Variants in SSBP3 observed in about 807,000 individuals in gnomAD.
The protein encoded by SSBP3 is single-stranded DNA-binding protein 3.
Under a neutral mutation model 69.6 loss-of-function variants are expected in SSBP3, and 5 were observed. The ratio of observed to expected loss-of-function variants is 0.07; its 90% CI spans 0.04 to 0.15. The LOEUF (loss-of-function observed/expected upper bound fraction) is 0.15, where lower values mean the gene tolerates loss of function less well. Ranked by LOEUF, SSBP3 falls within the 10% of genes least tolerant of loss-of-function variation. SSBP3 has a pLI of 1.00. For synonymous variants in SSBP3, 196 were observed against 193.4 expected (o/e 1.01, Z -0.11); for missense variants, 312 against 534.0 (o/e 0.58, Z 4.10).
At chr1:54,371,002 T>C (rs1647123202) in intron 4 of SSBP3, among the ~76,000 whole-genome samples, 2 of 152,024 alleles carry the variant, frequency 1.3e-5, no homozygotes, top group Admixed American at 6.5e-5. Context: ...GGCTCAGTGA[T>C]TGAAAAGACA....
intron 14 of SSBP3, among the ~76,000 whole-genome samples, chr1:54,236,219 G>A (rs1297216730): frequency 4.6e-5 from 7 of 151,902 alleles, no homozygotes; most frequent in Non-Finnish European, 5.9e-5. Context: ...AGGCTCAAGC[G>A]ATTCTCCTGC....
At chr1:54,337,428 T>A (rs1196239158) in intron 4 of SSBP3, among the ~76,000 whole-genome samples, 1 of 149,886 alleles carries the variant, frequency 6.7e-6, no homozygotes, top group East Asian at 2.0e-4. Context: ...CTCGCTCCAG[T>A]CTCTGACTTC....
intron 4 of SSBP3, among the ~76,000 whole-genome samples, chr1:54,374,202 G>A (rs1309656070): frequency 1.3e-5 from 2 of 152,222 alleles, no homozygotes; most frequent in Non-Finnish European, 2.9e-5. Flanking sequence ...TAAGACGCAG[G>A]TGCGCGGGAA....
intron 5 of SSBP3, among the ~76,000 whole-genome samples, chr1:54,259,778 G>A (rs1259339047): frequency 6.6e-6 from 1 of 152,238 alleles, no homozygotes; most frequent in Non-Finnish European, 1.5e-5. Context: ...TGTGAGGCCT[G>A]GGAGTTTCTT....
rs1173211160 is a variant in SSBP3, at chr1:54,316,664, ATAAATAAATAAATAAATAAAT to A, written c.277-35158_277-35138del. On this transcript the variant is annotated intron_variant, in intron 4 of 17. Coordinates refer to ENST00000610401, the Ensembl canonical transcript of SSBP3. Reference sequence around the variant, plus strand: ...CTCCGTCTCAAAAAAAAAAAATAAAATAAATAAATAAATAAATAAATAAATAAATAAATAAATAAATAAATA... The same window carrying A: ...CTCCGTCTCAAAAAAAAAAAATAAAAAAATAAATAAATAAATAAATAAATA... Among the ~76,000 whole-genome samples the A allele has an allele frequency of 9.7e-4, 24 of 24,828 alleles. 3 individuals carry two copies. The highest frequency in any genetic ancestry group is 3.6e-3 in the African/African-American group (22 of 6,088). The allele number at this position is 24,828 out of a possible 152,430, so 16.3% of individuals were successfully genotyped here.
At chr1:54,303,584 T>G (rs1310154631) in intron 4 of SSBP3, among the ~76,000 whole-genome samples, 2 of 152,138 alleles carry the variant, frequency 1.3e-5, no homozygotes, top group Admixed American at 1.3e-4. Context: ...ACAATGCCCA[T>G]AAACAGCAGT....
rs139174826 is a variant in SSBP3 at position 54,404,882 on chromosome 1, T to C, written c.105A>G (p.Lys35=). 6.8e-4 allele frequency: 1,095 copies of C among 1,611,918 alleles called. 1 individual carries two copies. Among genetic ancestry groups the C allele is most frequent in the Non-Finnish European group, 8.3e-4 (975 of 1,179,524 alleles). Residue 35 remains lysine (K), a synonymous_variant, in exon 2 of 18, where the codon AAA becomes AAG. Transcript: ENST00000610401. Reference sequence around the variant, plus strand: ...CCTCCGATAAGAAGGTCTGTGCAGATTTCTGTGCTCCTACGTGCAGTAAAT... The same window carrying C: ...CCTCCGATAAGAAGGTCTGTGCAGACTTCTGTGCTCCTACGTGCAGTAAAT...
At chr1:54,240,914 T>C (rs1474413014) in exon 13 of SSBP3, 1 of 1,612,648 alleles carries the variant, frequency 6.2e-7, no homozygotes, top group Admixed American at 1.7e-5. Flanking sequence ...CCTGCGGGAC[T>C]GGGCATAATG....
chr1:54,225,510 T>G, exon 18 of SSBP3: 3 of 1,064,538 alleles, frequency 2.8e-6, no homozygotes, highest in Non-Finnish European at 3.6e-6. Context: ...TAATTACTTT[T>G]TTTTCCTCTC....
chr1:54,238,254 A>G, intron 14 of SSBP3: 2 of 471,110 alleles, frequency 4.2e-6, no homozygotes, highest in Non-Finnish European at 8.8e-6. Flanking sequence ...CGGAGCCAAC[A>G]AAACCAGAGT....
chr1:54,241,669 A>G (rs1644640615), intron 11 of SSBP3, among the ~76,000 whole-genome samples, 160 bp from the exon 12 acceptor site: 1 of 152,194 alleles, frequency 6.6e-6, no homozygotes, highest in African/African-American at 2.4e-5. Flanking sequence ...ACGTGGCTGA[A>G]GCCCAGTTCT....
intron 4 of SSBP3, among the ~76,000 whole-genome samples, chr1:54,395,708 G>A (rs1435149882): frequency 2.6e-5 from 4 of 152,088 alleles, no homozygotes; most frequent in African/African-American, 7.2e-5. Context: ...TGAGGCTCCC[G>A]GCCAGGAAAT....
At chr1:54,411,716 C>T (rs150365535) in intron 1 of SSBP3, among the ~76,000 whole-genome samples, 1,735 of 151,678 alleles carry the variant, frequency 0.011, 36 homozygotes, top group African/African-American at 0.039. Flanking sequence ...CACAGTGAAA[C>T]CCCGTCTCTA....
At chr1:54,363,127 C>G (rs1646976227) in intron 4 of SSBP3, among the ~76,000 whole-genome samples, 1 of 152,166 alleles carries the variant, frequency 6.6e-6, no homozygotes, top group African/African-American at 2.4e-5. Flanking sequence ...GAAGCCCACT[C>G]TAGCACAGCC....
At chr1:54,309,237 A>G (rs1358509565) in intron 4 of SSBP3, among the ~76,000 whole-genome samples, 1 of 152,232 alleles carries the variant, frequency 6.6e-6, no homozygotes, top group African/African-American at 2.4e-5. Flanking sequence ...TGAAGGACTG[A>G]GGCATGAGCC....
intron 4 of SSBP3, among the ~76,000 whole-genome samples, chr1:54,352,502 G>C (rs1646796202): frequency 6.6e-6 from 1 of 152,114 alleles, no homozygotes. Flanking sequence ...CTTCATCTCA[G>C]CTTCAAACCC....
intron 7 of SSBP3, 144 bp downstream of exon 7, chr1:54,256,983 G>C: frequency 2.5e-6 from 2 of 799,450 alleles, no homozygotes; most frequent in Middle Eastern, 3.4e-4. Context: ...GCCCTCTCTG[G>C]GGAACAGCTA....
upstream of SSBP3, among the ~76,000 whole-genome samples, chr1:54,410,509 AGCTGAGTAT>A (rs1206318692): frequency 1.3e-5 from 2 of 152,184 alleles, no homozygotes; most frequent in African/African-American, 4.8e-5. Context: ...TTTCAGTGGA[AGCTGAGTAT>A]GCAGCCCACT....
At chr1:54,376,008 G>A (rs1289860287) in intron 4 of SSBP3, among the ~76,000 whole-genome samples, 1 of 152,088 alleles carries the variant, frequency 6.6e-6, no homozygotes, top group Non-Finnish European at 1.5e-5. Context: ...ACAGGGCAGG[G>A]AGGGAGGGGG....
Sources: allele counts gnomAD v4.1 joint callset (sites outside exome capture counted in the v4.1 genomes callset), GRCh38; gene constraint gnomAD v4.1.1; transcripts MANE v1.5; gene names NCBI Gene and HGNC (gene_info 2026-07-23, HGNC 2026-07-21).